Variants in CNTNAP2 observed in about 807,000 individuals in gnomAD.
CNTNAP2 encodes contactin associated protein 2, also known as contactin-associated protein-like 2.
A neutral mutation model predicts 155.2 loss-of-function variants in CNTNAP2; 98 were observed. The ratio of observed to expected loss-of-function variants is 0.63; its 90% CI spans 0.54 to 0.75. The LOEUF (loss-of-function observed/expected upper bound fraction) is 0.75. CNTNAP2 is among the 30% of genes least tolerant of loss of function. The pLI, the probability that CNTNAP2 is intolerant of heterozygous loss-of-function variation, is 0.00. For missense variants in CNTNAP2, 1,727 were observed against 1,688.1 expected, an observed-to-expected ratio of 1.02 and a Z score of -0.40; for synonymous variants, 651 against 631.2, an observed-to-expected ratio of 1.03 and a Z score of -0.47.
intron 13 of CNTNAP2, among the ~76,000 whole-genome samples, chr7:147,857,341 G>C (rs1274684383): frequency 6.6e-6 from 1 of 151,958 alleles, no homozygotes; most frequent in Non-Finnish European, 1.5e-5. Flanking sequence ...TTTTAAAATG[G>C]GTTTTCTCTG....
In CNTNAP2 at chr7:146,664,628, A is replaced by T. The variant is rs138297841; in HGVS notation, c.98-109643A>T. Among the ~76,000 whole-genome samples, 114 of 152,232 alleles carry T rather than the reference A, an allele frequency of 7.5e-4. 3 individuals carry two copies. The East Asian group carries it at 0.02, about 26-fold the overall frequency. On this transcript the variant is annotated intron_variant, in intron 1 of 23. Coordinates refer to ENST00000361727, the MANE Select transcript of CNTNAP2 (RefSeq NM_014141.6). ...TAGTTTTCTTTAACATAATTTCTCC[A>T]CAAGGTTTTCTATGTACTAATGGTG...
chr7:146,429,974 G>A (rs1796148838), intron 1 of CNTNAP2, among the ~76,000 whole-genome samples: 1 of 152,066 alleles, frequency 6.6e-6, no homozygotes, highest in South Asian at 2.1e-4. Context: ...CATCTATTGA[G>A]ATAATCACAT....
At chr7:146,490,174 A>G (rs759320730) in intron 1 of CNTNAP2, among the ~76,000 whole-genome samples, 67 of 152,270 alleles carry the variant, frequency 4.4e-4, no homozygotes, top group Middle Eastern at 3.4e-3. Context: ...TCAACACCTC[A>G]CAAGTTTCAA....
rs60539644 is a variant in CNTNAP2 at position 146,848,804 on chromosome 7, G to A, written c.402+8900G>A. Among the ~76,000 whole-genome samples, 150 of 152,218 alleles carry A rather than the reference G, an allele frequency of 9.9e-4. 1 individual carries two copies. Among genetic ancestry groups the A allele is most frequent in the African/African-American group, 3.4e-3 (143 of 41,538 alleles). On this transcript the variant is annotated intron_variant, in intron 3 of 23. Coordinates refer to ENST00000361727, the MANE Select transcript of CNTNAP2 (RefSeq NM_014141.6). ...TCTATTTATTTAGAGACAGAATCTC[G>A]CTCTGTTGCCCAGGCTTGAGTGCAG...
chr7:146,732,195 T>G (rs746498317), intron 1 of CNTNAP2, among the ~76,000 whole-genome samples: 35 of 152,278 alleles, frequency 2.3e-4, no homozygotes, highest in Non-Finnish European at 4.6e-4. Flanking sequence ...TCAGATCTCC[T>G]GTAATATACA....
intron 10 of CNTNAP2, among the ~76,000 whole-genome samples, chr7:147,425,039 G>A (rs1477395997): frequency 6.6e-6 from 1 of 151,960 alleles, no homozygotes; most frequent in Non-Finnish European, 1.5e-5. Context: ...TGTCCCCATG[G>A]TCTAATTTTA....
chr7:148,272,234 A>G (rs1204831302), intron 21 of CNTNAP2, among the ~76,000 whole-genome samples: 1 of 152,244 alleles, frequency 6.6e-6, no homozygotes, highest in African/African-American at 2.4e-5. Context: ...CAGAATCACT[A>G]GCAATCAGCA....
intron 21 of CNTNAP2, among the ~76,000 whole-genome samples, chr7:148,332,484 G>A (rs567562985): frequency 2.9e-4 from 44 of 152,254 alleles, no homozygotes; most frequent in African/African-American, 8.4e-4. Flanking sequence ...AAAATGAATT[G>A]AGCCTCAGCT....
chr7:147,277,505 A>G (rs533782257), intron 8 of CNTNAP2, among the ~76,000 whole-genome samples: 12 of 152,122 alleles, frequency 7.9e-5, no homozygotes, highest in Admixed American at 6.6e-4. Context: ...ATTTACTACT[A>G]TTTGAACTCC....
At chr7:146,605,431 C>T (rs1189439962) in intron 1 of CNTNAP2, among the ~76,000 whole-genome samples, 1 of 150,770 alleles carries the variant, frequency 6.6e-6, no homozygotes, top group Non-Finnish European at 1.5e-5. Context: ...TGGTGTTGCC[C>T]TAGTACCTCA....
chr7:148,345,618 C>T (rs919935439), intron 21 of CNTNAP2, among the ~76,000 whole-genome samples: 1 of 152,090 alleles, frequency 6.6e-6, no homozygotes, highest in Non-Finnish European at 1.5e-5. Context: ...CCCCTGACCT[C>T]GTGATTCGCC....
intron 1 of CNTNAP2, among the ~76,000 whole-genome samples, chr7:146,280,844 A>G (rs771643711): frequency 2.0e-5 from 3 of 152,174 alleles, no homozygotes; most frequent in Non-Finnish European, 2.9e-5. Context: ...AAGCTTGGGA[A>G]GCTCTAAGCC....
chr7:146,614,375 T>C (rs1167634320), intron 1 of CNTNAP2, among the ~76,000 whole-genome samples: 1 of 152,220 alleles, frequency 6.6e-6, no homozygotes, highest in African/African-American at 2.4e-5. Context: ...ACTGATACTA[T>C]ACATGAATTA....
chr7:146,581,384 T>C (rs555509757), intron 1 of CNTNAP2, among the ~76,000 whole-genome samples: 21 of 152,220 alleles, frequency 1.4e-4, no homozygotes, highest in African/African-American at 5.1e-4. Flanking sequence ...TGCTTCAGTG[T>C]TATACCAATG....
intron 5 of CNTNAP2, among the ~76,000 whole-genome samples, chr7:147,116,089 G>T (rs936372780): frequency 5.3e-5 from 8 of 152,060 alleles, no homozygotes; most frequent in African/African-American, 1.7e-4. Flanking sequence ...GTGGTTTGCT[G>T]GGAGTCCACT....
At position 146,175,636 on chromosome 7, in the gene CNTNAP2, A is replaced by C. The variant is rs935378596; in HGVS notation, c.97+58663A>C. ...TTGTGAATGACTGAAAACCATTAAG[A>C]AAACTTTAGAGACTTTCTGGATAAA... On this transcript the variant is annotated intron_variant, in intron 1 of 23. Transcript: ENST00000361727. Among the ~76,000 whole-genome samples the C allele has an allele frequency of 1.8e-4, 28 of 152,360 alleles. No individual in the cohort carries two copies. The East Asian group carries it at 2.5e-3, about 14-fold the overall frequency.
rs945730329 is a variant in CNTNAP2, at chr7:147,728,906, T to C, written c.2098+89600T>C. On this transcript the variant is annotated intron_variant, in intron 13 of 23. Coordinates refer to ENST00000361727, the MANE Select transcript of CNTNAP2 (RefSeq NM_014141.6). The stretch of plus-strand genomic sequence containing the variant: ...TTCATAAAATTGGCAAAGCATTGAA[T>C]GGGTGGAAAAATGCTAAACAGGAAA... Among the ~76,000 whole-genome samples the C allele has an allele frequency of 2.6e-5, 4 of 151,532 alleles. No homozygotes were observed. In the South Asian group the frequency reaches 6.2e-4, roughly 24 times the overall value.
chr7:148,077,776 C>T (rs1340168225), intron 15 of CNTNAP2, among the ~76,000 whole-genome samples: 1 of 152,112 alleles, frequency 6.6e-6, no homozygotes, highest in African/African-American at 2.4e-5. Flanking sequence ...TAAACAAGGA[C>T]CTTATTCAAG....
At chr7:146,772,441 G>A (rs1192971537) in intron 1 of CNTNAP2, among the ~76,000 whole-genome samples, 1 of 150,082 alleles carries the variant, frequency 6.7e-6, no homozygotes, top group African/African-American at 2.5e-5. Flanking sequence ...AGCAGATCAC[G>A]AGGTCAGGAG....
Sources: gnomAD v4.1 joint callset for allele counts (sites outside exome capture counted in the v4.1 genomes callset) on GRCh38, gnomAD v4.1.1 for gene constraint, MANE v1.5 for transcripts, NCBI Gene and HGNC (gene_info 2026-07-23, HGNC 2026-07-21) for gene names.